The following A1CF variants were observed in gnomAD, a reference collection of about 807,000 sequenced individuals.
A1CF encodes the protein APOBEC-1 stimulating protein.
A neutral mutation model predicts 68.9 loss-of-function variants in A1CF; 48 were observed. The observed-to-expected ratio is 0.70, with a 90% CI of 0.55 to 0.89. The LOEUF is 0.89. A1CF is among the 40% of genes least tolerant of loss of function. The probability of loss-of-function intolerance (pLI) is 0.00; values close to 1 mark genes in which losing one functional copy is unlikely to be tolerated. For missense variants in A1CF, 653 were observed against 718.9 expected, an observed-to-expected ratio of 0.91 and a Z score of 1.05; for synonymous variants, 272 against 260.4, an observed-to-expected ratio of 1.04 and a Z score of -0.43.
At chr10:50,808,139 C>T (rs935505843) in intron 12 of A1CF, among the ~76,000 whole-genome samples, 2 of 152,094 alleles carry the variant, frequency 1.3e-5, no homozygotes, top group African/African-American at 4.8e-5. Flanking sequence ...CAGATTTTAC[C>T]TTTAGGGATT....
Position 50,799,449 on chromosome 10 carries a change from A to C in A1CF, c.*7280T>G, listed in dbSNP as rs1262742680. On this transcript the variant is annotated 3_prime_UTR_variant, in exon 13 of 13. Coordinates refer to ENST00000373997, the MANE Select transcript of A1CF (RefSeq NM_014576.4). ...ACTTTATAATGGCACTTGAAAATTCAATTAAAACAATTGCATCATCCAGGA... is the reference window on the plus strand; with the variant it reads ...ACTTTATAATGGCACTTGAAAATTCCATTAAAACAATTGCATCATCCAGGA... 1 of 152,162 alleles carries C rather than the reference A, an allele frequency of 6.6e-6. No homozygotes were observed. Among genetic ancestry groups the C allele is most frequent in the Non-Finnish European group, 1.5e-5 (1 of 68,008 alleles). The allele number at this position is 152,162 out of a possible 1,614,324, so 9.4% of individuals were successfully genotyped here.
chr10:50,869,921 A>G (rs943690709), intron 1 of A1CF, among the ~76,000 whole-genome samples: 18 of 151,948 alleles, frequency 1.2e-4, no homozygotes, highest in African/African-American at 4.1e-4. Flanking sequence ...TGCTCATAAT[A>G]TAAAATATAA....
intron 1 of A1CF, among the ~76,000 whole-genome samples, chr10:50,875,942 G>A (rs1219997550): frequency 2.0e-5 from 3 of 152,172 alleles, no homozygotes; most frequent in Admixed American, 6.5e-5. Flanking sequence ...TGACCTGGTC[G>A]TAACTTGACT....
In A1CF at chr10:50,800,972, C is replaced by G. The variant is rs1006358026; in HGVS notation, c.*5757G>C. 6.6e-6 allele frequency: 1 copy of G among 152,116 alleles called. No homozygotes were observed. The highest frequency in any genetic ancestry group is 2.4e-5 in the African/African-American group (1 of 41,420). 9.4% of individuals were successfully genotyped at this position (152,116 alleles called of 1,614,324 possible). ...GTTTTGGGATAGAAGTAACTCAACT[C>G]AAGGAAGAAAGAAACCAATAAATGC... On this transcript the variant is annotated 3_prime_UTR_variant, in exon 13 of 13. Transcript: ENST00000373997.
chr10:50,851,866 A>G (rs1840260745), intron 3 of A1CF, among the ~76,000 whole-genome samples: 1 of 152,192 alleles, frequency 6.6e-6, no homozygotes, highest in Admixed American at 6.5e-5. Context: ...CAGCTGCTGA[A>G]ATCCTATACA....
chr10:50,864,455 A>C (rs1233120828), intron 1 of A1CF, among the ~76,000 whole-genome samples: 1 of 152,118 alleles, frequency 6.6e-6, no homozygotes, highest in Admixed American at 6.5e-5. Flanking sequence ...AGCAAAGGAC[A>C]CAAAGTATTG....
At chr10:50,840,289 T>TA (rs745692167) in intron 5 of A1CF, among the ~76,000 whole-genome samples, 33 of 151,900 alleles carry the variant, frequency 2.2e-4, no homozygotes, top group African/African-American at 7.7e-4. Flanking sequence ...TTTTTTTTTT[T>TA]ATCATTTGTC....
intron 1 of A1CF, among the ~76,000 whole-genome samples, chr10:50,871,663 G>A (rs900586325): frequency 2.0e-5 from 3 of 151,862 alleles, no homozygotes; most frequent in East Asian, 3.8e-4. Context: ...CCATAGTTTT[G>A]TTTATACTGG....
intron 1 of A1CF, among the ~76,000 whole-genome samples, chr10:50,871,404 G>C (rs887462671): frequency 6.6e-6 from 1 of 151,846 alleles, no homozygotes; most frequent in Non-Finnish European, 1.5e-5. Context: ...TGGAAGTTTT[G>C]CTGATGTAAA....
chr10:50,821,892 C>A (rs1419664742), intron 7 of A1CF, among the ~76,000 whole-genome samples: 1 of 152,058 alleles, frequency 6.6e-6, no homozygotes, highest in African/African-American at 2.4e-5. Flanking sequence ...AATATTACAG[C>A]ATTTGTGTTT....
At chr10:50,824,509 T>A (rs562621480) in intron 7 of A1CF, 2 of 152,314 alleles carry the variant, frequency 1.3e-5, no homozygotes, top group East Asian at 3.9e-4. Context: ...AACATTCAGA[T>A]CTCAGCTTAG....
At position 50,809,884 on chromosome 10, in the gene A1CF, T is replaced by A; in HGVS notation, c.1609+10A>T. 3 of 1,613,664 alleles carry A rather than the reference T, an allele frequency of 1.9e-6. No homozygotes were observed. Among genetic ancestry groups the A allele is most frequent in the South Asian group, 1.1e-5 (1 of 91,072 alleles). Reference sequence around the variant, plus strand: ...TGCAGGGCGCCATTTCTGGCACAATTTTCCCATACCTGGGAAAGCAGTAGC... The same window carrying A: ...TGCAGGGCGCCATTTCTGGCACAATATTCCCATACCTGGGAAAGCAGTAGC... On this transcript the variant is annotated intron_variant, in intron 12 of 12. Transcript: ENST00000373997.
chr10:50,880,398 T>C (rs911657594), intron 1 of A1CF, among the ~76,000 whole-genome samples: 1 of 152,204 alleles, frequency 6.6e-6, no homozygotes, highest in Non-Finnish European at 1.5e-5. Flanking sequence ...GTGCCTGGCA[T>C]GTGGCAGGAT....
At chr10:50,838,560 T>G (rs1839629738) in intron 5 of A1CF, among the ~76,000 whole-genome samples, 1 of 152,186 alleles carries the variant, frequency 6.6e-6, no homozygotes, top group Non-Finnish European at 1.5e-5. Context: ...TTTCCCGGAA[T>G]TATTTGGAGA....
chr10:50,845,673 G>T (rs1400629979), intron 3 of A1CF, among the ~76,000 whole-genome samples: 1 of 152,154 alleles, frequency 6.6e-6, no homozygotes, highest in Non-Finnish European at 1.5e-5. Flanking sequence ...TTCCTTATTG[G>T]TCTGGCATGG....
chr10:50,815,236 A>G (rs1838309269), intron 9 of A1CF, among the ~76,000 whole-genome samples: 1 of 152,196 alleles, frequency 6.6e-6, no homozygotes, highest in Admixed American at 6.5e-5. Flanking sequence ...AAAGACAGGG[A>G]CAAGCTAGTT....
chr10:50,861,058 G>A (rs954053787), intron 2 of A1CF, among the ~76,000 whole-genome samples: 9 of 152,142 alleles, frequency 5.9e-5, no homozygotes, highest in African/African-American at 2.2e-4. Flanking sequence ...TCTGTCATAT[G>A]CGTTGAGAAT....
At chr10:50,874,224 A>G (rs963432522) in intron 1 of A1CF, among the ~76,000 whole-genome samples, 2 of 152,114 alleles carry the variant, frequency 1.3e-5, no homozygotes, top group Non-Finnish European at 2.9e-5. Flanking sequence ...CCTGGCATCT[A>G]GAAATCTTTT....
intron 2 of A1CF, among the ~76,000 whole-genome samples, chr10:50,860,770 A>G (rs1037996408): frequency 2.0e-5 from 3 of 152,222 alleles, no homozygotes; most frequent in Non-Finnish European, 2.9e-5. Flanking sequence ...TCACATTCCA[A>G]ATATGATGGT....
Sources: gnomAD v4.1 joint callset for allele counts (sites outside exome capture counted in the v4.1 genomes callset) on GRCh38, gnomAD v4.1.1 for gene constraint, MANE v1.5 for transcripts, NCBI Gene and HGNC (gene_info 2026-07-23, HGNC 2026-07-21) for gene names.